Variants in NPAS3 observed in about 807,000 individuals in gnomAD.
NPAS3 encodes neuronal PAS domain-containing protein 3.
In NPAS3, 14 loss-of-function variants were observed where a neutral mutation model predicts 73.1. The ratio of observed to expected loss-of-function variants is 0.19; its 90% CI spans 0.13 to 0.30. NPAS3 has a LOEUF of 0.30. NPAS3 is among the 10% of genes least tolerant of loss of function. The pLI, the probability that NPAS3 is intolerant of heterozygous loss-of-function variation, is 1.00. For synonymous variants in NPAS3, 620 were observed against 541.5 expected (o/e 1.14, Z -2.01); for missense variants, 1,096 against 1,250.0 (o/e 0.88, Z 1.86).
chr14:33,800,103 A>T lies in NPAS3; in HGVS notation c.1796A>T (p.Lys599Met). The change falls in exon 12 of 12, where the codon AAG becomes ATG. Residue 599 changes from lysine (K) to methionine (M), a missense_variant. Physicochemically the swap from Lys to Met is moderately conservative, Grantham distance 95 (BLOSUM62 -1). Around this residue, in one of 5 missense-constraint regions of NPAS3, gnomAD observed 698 missense variants for 676.7 expected, o/e 1.03. Transcript: ENST00000356141. The surrounding 1 kb of genome is among the most constrained non-coding windows in gnomAD (Gnocchi z 6.5). ...GCGCAGGCCTCCAGCAAGCACCAGA[A>T]GCGCAAGAAAAGGCGGAAACGGCAA... 2 of 1,587,746 alleles carry T rather than the reference A, an allele frequency of 1.3e-6. No homozygotes were observed. The highest frequency in any genetic ancestry group is 1.7e-6 in the Non-Finnish European group (2 of 1,170,138).
chr14:33,680,957 C>A (rs113441161), intron 6 of NPAS3: 1 of 286,200 alleles, frequency 3.5e-6, no homozygotes, highest in Admixed American at 5.0e-5. Context: ...ATTATACTTA[C>A]GCTATGTCCC....
At chr14:33,096,062 G>T (rs1365652048) in intron 2 of NPAS3, among the ~76,000 whole-genome samples, 1 of 150,968 alleles carries the variant, frequency 6.6e-6, no homozygotes, top group South Asian at 2.1e-4. Context: ...GACAACAGGG[G>T]TTTGTTCTGA....
At position 33,676,389 on chromosome 14, in the gene NPAS3, G is replaced by A. The variant is rs1356709241; in HGVS notation, c.733+4G>A. The A allele has an allele frequency of 8.4e-6, 13 of 1,555,082 alleles. No homozygotes were observed. The highest frequency in any genetic ancestry group is 1.4e-5 in the African/African-American group (1 of 72,398). On this transcript the variant is annotated splice_donor_region_variant and intron_variant, in intron 6 of 11. Coordinates refer to ENST00000356141, the Ensembl canonical transcript of NPAS3. ...CAGTCGGAGACCCCCGAGCCAGGTG[G>A]GAATTGCAAACCCAGTGTGTGGGTT...
chr14:33,640,482 A>G (rs2058647808), intron 5 of NPAS3, among the ~76,000 whole-genome samples: 1 of 152,230 alleles, frequency 6.6e-6, no homozygotes, highest in Non-Finnish European at 1.5e-5. Flanking sequence ...TAAAATGCAC[A>G]TCTTTTTCAA....
chr14:33,091,110 G>A (rs557747230), intron 2 of NPAS3, among the ~76,000 whole-genome samples: 1 of 152,236 alleles, frequency 6.6e-6, no homozygotes, highest in Non-Finnish European at 1.5e-5. Flanking sequence ...ACATTCAAAA[G>A]CTAGCAGAAG....
At chr14:33,363,308 A>G (rs147611807) in intron 3 of NPAS3, among the ~76,000 whole-genome samples, 2 of 152,308 alleles carry the variant, frequency 1.3e-5, no homozygotes, top group Non-Finnish European at 2.9e-5. Context: ...GTGTGAGGTT[A>G]TGCTGAAGGA....
At chr14:33,717,108 G>A (rs1173179733) in intron 6 of NPAS3, among the ~76,000 whole-genome samples, 1 of 150,262 alleles carries the variant, frequency 6.7e-6, no homozygotes, top group Non-Finnish European at 1.5e-5. Context: ...TTGTTAGAAG[G>A]GGTTTTGCCA....
intron 2 of NPAS3, among the ~76,000 whole-genome samples, chr14:33,163,903 G>A (rs528530697): frequency 8.5e-5 from 13 of 152,230 alleles, no homozygotes; most frequent in South Asian, 2.1e-4. Flanking sequence ...TGAACTGACA[G>A]TGTAAAGAAA....
At chr14:33,694,580 G>A (rs1415527950) in intron 6 of NPAS3, among the ~76,000 whole-genome samples, 2 of 152,140 alleles carry the variant, frequency 1.3e-5, no homozygotes, top group African/African-American at 2.4e-5. Flanking sequence ...ATTTCTTGGT[G>A]TCTTCACAGG....
At chr14:33,290,443 A>G (rs1388834203) in intron 3 of NPAS3, among the ~76,000 whole-genome samples, 1 of 152,202 alleles carries the variant, frequency 6.6e-6, no homozygotes, top group East Asian at 1.9e-4. Context: ...TCTTCTGTGC[A>G]AGTGTACACT....
At chr14:33,517,715 T>C (rs1292292357) in intron 4 of NPAS3, among the ~76,000 whole-genome samples, 1 of 152,088 alleles carries the variant, frequency 6.6e-6, no homozygotes, top group Non-Finnish European at 1.5e-5. Context: ...CTCAGGTCTC[T>C]TAGCACATTT....
intron 6 of NPAS3, among the ~76,000 whole-genome samples, chr14:33,720,469 T>C (rs2061076774): frequency 6.6e-6 from 1 of 152,194 alleles, no homozygotes; most frequent in African/African-American, 2.4e-5. Flanking sequence ...GGGTCAGGGA[T>C]CAGCTCCTGC....
intron 1 of NPAS3, among the ~76,000 whole-genome samples, chr14:33,007,044 A>G (rs950334788): frequency 6.6e-6 from 1 of 152,118 alleles, no homozygotes; most frequent in Non-Finnish European, 1.5e-5. Context: ...ATTAGCACCT[A>G]TTTTCCAACT....
Position 33,797,584 on chromosome 14 carries a change from A to G in NPAS3, c.1426+3A>G. On this transcript the variant is annotated splice_donor_region_variant and intron_variant, in intron 11 of 11. Transcript: ENST00000356141. ...TAAAGACACCTCAGGTATTACAGGT[A>G]TTATTCCTTCTTTTCCATGTTCTTC... 2 of 1,613,500 alleles carry G rather than the reference A, an allele frequency of 1.2e-6. No individual in the cohort carries two copies. The highest frequency in any genetic ancestry group is 1.7e-6 in the Non-Finnish European group (2 of 1,179,644).
At position 33,800,958 on chromosome 14, in the gene NPAS3, C is replaced by T. The variant is rs375508553; in HGVS notation, c.2651C>T (p.Pro884Leu). The change falls in exon 12 of 12, where the codon CCG becomes CTG. Residue 884 changes from proline to leucine, a missense_variant. Physicochemically the swap from Pro to Leu is moderately conservative, Grantham distance 98. Transcript: ENST00000356141. This position sits in a 1 kb window ranked among gnomAD's most constrained non-coding sequence, Gnocchi z 6.5. ...GTGCACCGGCTCAACATGTCAGGAC[C>T]GTTCGGCGGCGCAGTGAGCGCAGCT... 2 of 1,600,084 alleles carry T rather than the reference C, an allele frequency of 1.2e-6. No individual in the cohort carries two copies. The highest frequency in any genetic ancestry group is 1.7e-6 in the Non-Finnish European group (2 of 1,174,158).
At chr14:33,442,769 A>G (rs1383255217) in intron 4 of NPAS3, among the ~76,000 whole-genome samples, 1 of 152,224 alleles carries the variant, frequency 6.6e-6, no homozygotes, top group Non-Finnish European at 1.5e-5. Flanking sequence ...AGTCTCAGGT[A>G]TGTCCTTATT....
At chr14:33,365,821 A>G (rs1344460721) in intron 3 of NPAS3, among the ~76,000 whole-genome samples, 1 of 152,168 alleles carries the variant, frequency 6.6e-6, no homozygotes, top group Non-Finnish European at 1.5e-5. Flanking sequence ...AATCCCTACT[A>G]AGCTGTGGAG....
intron 5 of NPAS3, among the ~76,000 whole-genome samples, chr14:33,636,371 C>T (rs2058515373): frequency 6.6e-6 from 1 of 152,228 alleles, no homozygotes; most frequent in Non-Finnish European, 1.5e-5. Flanking sequence ...GCATTATTTG[C>T]CTGCCTCCAG....
chr14:33,500,215 G>T (rs1040914333), intron 4 of NPAS3, among the ~76,000 whole-genome samples: 2 of 151,826 alleles, frequency 1.3e-5, no homozygotes, highest in Non-Finnish European at 2.9e-5. Context: ...GCAATACCAC[G>T]TAAAGGGAGG....
Sources: allele counts gnomAD v4.1 joint callset (sites outside exome capture counted in the v4.1 genomes callset), GRCh38; gene constraint gnomAD v4.1.1; regional missense constraint gnomAD v4.1.1; non-coding constraint Gnocchi (gnomAD v3.1); transcripts MANE v1.5; gene names NCBI Gene and HGNC (gene_info 2026-07-23, HGNC 2026-07-21).